MECOM: variants seen among roughly 807,000 people sequenced by gnomAD.
MECOM encodes the protein histone-lysine N-methyltransferase MECOM.
In MECOM, 13 loss-of-function variants were observed where a neutral mutation model predicts 116.3. That is an observed-to-expected ratio of 0.11 (90% CI 0.07 to 0.18). The LOEUF (loss-of-function observed/expected upper bound fraction) is 0.18, where lower values mean the gene tolerates loss of function less well. Among genes scored for constraint, MECOM ranks in the 10% least tolerant of loss-of-function variants. MECOM has a pLI of 1.00. For missense variants in MECOM, 1,299 were observed against 1,509.0 expected (o/e 0.86, Z 2.31); for synonymous variants, 528 against 535.2 (o/e 0.99, Z 0.19).
intron 1 of MECOM, among the ~76,000 whole-genome samples, chr3:169,466,754 A>G (rs1202229182): frequency 6.6e-6 from 1 of 152,192 alleles, no homozygotes; most frequent in Non-Finnish European, 1.5e-5. Flanking sequence ...TTCTGGTAAT[A>G]GGAAACAGTC....
chr3:169,548,971 CTT>C (rs756925389), intron 1 of MECOM, among the ~76,000 whole-genome samples: 13,499 of 119,106 alleles, frequency 0.11, 470 homozygotes, highest in African/African-American at 0.2. Context: ...ATTTGTCTCT[CTT>C]TTTTTTTTTT....
chr3:169,246,815 G>A (rs1755643722), intron 2 of MECOM, among the ~76,000 whole-genome samples: 1 of 152,026 alleles, frequency 6.6e-6, no homozygotes, highest in Admixed American at 6.6e-5. Flanking sequence ...CACTGCGCCT[G>A]GCCCACATAC....
At chr3:169,288,450 A>G (rs1161474544) in intron 2 of MECOM, among the ~76,000 whole-genome samples, 1 of 152,206 alleles carries the variant, frequency 6.6e-6, no homozygotes, top group African/African-American at 2.4e-5. Flanking sequence ...TGGAAGGTTA[A>G]AAATGGGCTT....
At chr3:169,373,300 A>G (rs1419513137) in intron 2 of MECOM, among the ~76,000 whole-genome samples, 1 of 151,986 alleles carries the variant, frequency 6.6e-6, no homozygotes, top group Non-Finnish European at 1.5e-5. Flanking sequence ...GCTTATTTTT[A>G]CCAGACCATA....
chr3:169,540,157 T>C (rs1481285376), intron 1 of MECOM, among the ~76,000 whole-genome samples: 2 of 152,190 alleles, frequency 1.3e-5, no homozygotes, highest in Admixed American at 6.5e-5. Flanking sequence ...AGATGTTCTG[T>C]AGGCACCTAA....
intron 1 of MECOM, among the ~76,000 whole-genome samples, chr3:169,547,135 C>A (rs1455237599): frequency 6.6e-6 from 1 of 152,128 alleles, no homozygotes; most frequent in Non-Finnish European, 1.5e-5. Context: ...GTGATTGGAT[C>A]ATGGGGTAGA....
At chr3:169,174,870 A>C (rs927942063) in intron 2 of MECOM, among the ~76,000 whole-genome samples, 2 of 152,190 alleles carry the variant, frequency 1.3e-5, no homozygotes, top group African/African-American at 4.8e-5. Flanking sequence ...TCATTACATA[A>C]GAGATCAAGC....
chr3:169,267,762 A>G (rs201807943), intron 2 of MECOM, among the ~76,000 whole-genome samples: 1 of 149,726 alleles, frequency 6.7e-6, no homozygotes, highest in Non-Finnish European at 1.5e-5. Context: ...AGCATAGTCC[A>G]TTTTTTTTTT....
rs545157101 is a variant in MECOM, at chr3:169,359,909, A to T, written c.375+21278T>A. ...TAAGTAAAGAATCATAGCATGTGGT[A>T]GTTTTGTGACAATTTAGTTCATACT... On this transcript the variant is annotated intron_variant, in intron 2 of 16. Coordinates refer to ENST00000651503, the MANE Select transcript of MECOM (RefSeq NM_004991.4). Among the ~76,000 whole-genome samples, 74 of 151,858 alleles carry T rather than the reference A, an allele frequency of 4.9e-4. No individual in the cohort carries two copies. In the South Asian group the frequency reaches 6.2e-3, roughly 13 times the overall value.
chr3:169,113,076 A>T (rs1471919220), intron 8 of MECOM, among the ~76,000 whole-genome samples: 1 of 152,118 alleles, frequency 6.6e-6, no homozygotes, highest in Non-Finnish European at 1.5e-5. Context: ...GTTCCTATTT[A>T]TAATGGAAAA....
intron 2 of MECOM, among the ~76,000 whole-genome samples, chr3:169,317,476 G>C (rs1434336630): frequency 1.3e-5 from 2 of 152,222 alleles, no homozygotes; most frequent in African/African-American, 4.8e-5. Context: ...ATCAGCCACT[G>C]ATCCAGAAGT....
intron 2 of MECOM, among the ~76,000 whole-genome samples, chr3:169,284,894 T>C (rs1455579375): frequency 6.6e-6 from 1 of 152,156 alleles, no homozygotes. Flanking sequence ...TCCATGGACA[T>C]TGCAGTCCTC....
chr3:169,432,033 C>T (rs940337249), intron 1 of MECOM, among the ~76,000 whole-genome samples: 1 of 151,574 alleles, frequency 6.6e-6, no homozygotes, highest in East Asian at 1.9e-4. Flanking sequence ...AGCCAAACTA[C>T]ATGTGTCTAC....
chr3:169,265,395 C>T (rs1238137670), intron 2 of MECOM, among the ~76,000 whole-genome samples: 1 of 152,186 alleles, frequency 6.6e-6, no homozygotes, highest in Non-Finnish European at 1.5e-5. Context: ...TTGCAATATC[C>T]TTCTCTATAG....
intron 1 of MECOM, among the ~76,000 whole-genome samples, chr3:169,485,943 A>AC (rs1560340391): frequency 2.2e-4 from 8 of 36,072 alleles, no homozygotes; most frequent in Admixed American, 3.2e-4. Context: ...GTATATATGT[A>AC]TGTATATATG....
At chr3:169,103,746 G>A (rs1461320515) in intron 10 of MECOM, among the ~76,000 whole-genome samples, 2 of 152,248 alleles carry the variant, frequency 1.3e-5, no homozygotes, top group Middle Eastern at 3.4e-3. Context: ...ACACACAGCT[G>A]GACAGAATAC....
chr3:169,281,049 T>G (rs1043248798), intron 2 of MECOM, among the ~76,000 whole-genome samples: 1 of 152,218 alleles, frequency 6.6e-6, no homozygotes, highest in Admixed American at 6.5e-5. Context: ...ACAAAGCTAC[T>G]CTGCATGGTT....
At position 169,378,386 on chromosome 3, in the gene MECOM, CAAGAAAGAAAGAAAGAAAGAAAGA is replaced by C. The variant is rs1195791276; in HGVS notation, c.375+2777_375+2800del. Among the ~76,000 whole-genome samples the C allele has an allele frequency of 1.2e-4, 7 of 59,182 alleles. 1 individual carries two copies. Among genetic ancestry groups the C allele is most frequent in the Non-Finnish European group, 2.5e-4 (7 of 28,354 alleles). The allele number at this position is 59,182 out of a possible 152,430, so 38.8% of individuals were successfully genotyped here. A position where few individuals can be genotyped will look rare whatever the true frequency, so the allele number is the denominator to read the frequency against. On this transcript the variant is annotated intron_variant, in intron 2 of 16. Transcript: ENST00000651503. ...GAAGGAAGGAAGCAAGGAAGGAAGA[CAAGAAAGAAAGAAAGAAAGAAAGA>C]AAGAAAGAAAGAAAGAAAGAAAGAA... is the stretch of plus-strand genomic sequence containing the variant.
At position 169,378,461 on chromosome 3, in the gene MECOM, GCAAGCAAGCAAGCA is replaced by G. The variant is rs1322041095; in HGVS notation, c.375+2712_375+2725del. On this transcript the variant is annotated intron_variant, in intron 2 of 16. Transcript: ENST00000651503. ...AGAAAGAAAGAAAGAAGGAAAGCAA[GCAAGCAAGCAAGCA>G]AGAAAGAGAGAGAGAAAGAAAGAAA... Among the ~76,000 whole-genome samples the G allele has an allele frequency of 9.6e-4, 46 of 47,704 alleles. 2 individuals carry two copies. Among genetic ancestry groups the G allele is most frequent in the East Asian group, 2.5e-3 (5 of 2,006 alleles). 31.3% of individuals were successfully genotyped at this position (47,704 alleles called of 152,430 possible).
Sources: gnomAD v4.1 joint callset for allele counts (sites outside exome capture counted in the v4.1 genomes callset) on GRCh38, gnomAD v4.1.1 for gene constraint, MANE v1.5 for transcripts, NCBI Gene and HGNC (gene_info 2026-07-23, HGNC 2026-07-21) for gene names.